The following ZBTB8B variants were observed in gnomAD, a reference collection of about 807,000 sequenced individuals.
ZBTB8B encodes zinc finger and BTB domain-containing protein 8B.
Under a neutral mutation model 30.3 loss-of-function variants are expected in ZBTB8B, and 17 were observed. The observed-to-expected ratio is 0.56, with a 90% CI of 0.38 to 0.84. The LOEUF is 0.84. ZBTB8B is among the 40% of genes least tolerant of loss of function. The pLI is 0.00. For missense variants in ZBTB8B, 515 were observed against 644.9 expected (o/e 0.80, Z 2.18); for synonymous variants, 248 against 255.6 (o/e 0.97, Z 0.28).
Position 32,485,361 on chromosome 1 carries a change from T to C in ZBTB8B, c.1431T>C (p.Asp477=). 5.2e-6 allele frequency: 8 copies of C among 1,552,224 alleles called. No homozygotes were observed. The highest frequency in any genetic ancestry group is 3.3e-4 in the Middle Eastern group (2 of 5,996). The part of the protein sequence containing the change: ...SGEENDPAGD[D]SDDKPQIQPN... ...AGGAAAATGACCCTGCTGGAGATGA[T>C]TCTGATGACAAACCACAAATTCAGC... The change falls in exon 4 of 4, where the codon GAT becomes GAC. Residue 477 remains aspartate, a synonymous_variant. Transcript: ENST00000609129.
Position 32,465,309 on chromosome 1 carries a change from T to C in ZBTB8B, c.-42+204T>C, listed in dbSNP as rs1363497384. On this transcript the variant is annotated intron_variant, in intron 1 of 3. Transcript: ENST00000609129. The surrounding 1 kb of genome is among the most constrained non-coding windows in gnomAD (Gnocchi z 4.1). ...GCGTGGGGAGGGGCAGGCGCGGCCG[T>C]GGGGCCCCAGCTTCCCTGTCATTGG... Among the ~76,000 whole-genome samples the C allele has an allele frequency of 2.0e-5, 3 of 152,204 alleles. No individual in the cohort carries two copies. Among genetic ancestry groups the C allele is most frequent in the Non-Finnish European group, 4.4e-5 (3 of 68,032 alleles).
At position 32,492,855 on chromosome 1, in the gene ZBTB8B, G is replaced by GTTGTC. The variant is rs1356747479; in HGVS notation, c.*7437_*7438insTTGTC. On this transcript the variant is annotated 3_prime_UTR_variant, in exon 4 of 4. Coordinates refer to ENST00000609129, the MANE Select transcript of ZBTB8B (RefSeq NM_001145720.2). The stretch of plus-strand genomic sequence containing the variant: ...ACACGGCATGTTGGGTGTGACAACA[G>GTTGTC]GGACAAGCACAGGGTACTCTGAGAA... 6.6e-6 allele frequency: 1 copy of GTTGTC among 152,170 alleles called. No homozygotes were observed. Among genetic ancestry groups the GTTGTC allele is most frequent in the African/African-American group, 2.4e-5 (1 of 41,424 alleles). The allele number at this position is 152,170 out of a possible 1,614,324, so 9.4% of individuals were successfully genotyped here.
At chr1:32,475,761 A>G (rs1279691356) in intron 2 of ZBTB8B, among the ~76,000 whole-genome samples, 1 of 151,250 alleles carries the variant, frequency 6.6e-6, no homozygotes, top group Non-Finnish European at 1.5e-5. Flanking sequence ...AAGAGGGGAC[A>G]GGGAAAAATT....
At position 32,470,760 on chromosome 1, in the gene ZBTB8B, A is replaced by G; in HGVS notation, c.136A>G (p.Ser46Gly). 6.4e-7 allele frequency: 1 copy of G among 1,551,838 alleles called. No homozygotes were observed. The highest frequency in any genetic ancestry group is 1.2e-5 in the South Asian group (1 of 84,068). ...CCACAGGAACATTTTGTTTGCTAAC[A>G]GCGGCTACTTCCGAGCCCTGCTCAT... ...KAHRNILFAN[S>G]GYFRALLIHY... The change falls in exon 2 of 4, where the codon AGC becomes GGC. Residue 46 changes from serine (S) to glycine (G), a missense_variant. Coordinates refer to ENST00000609129, the MANE Select transcript of ZBTB8B (RefSeq NM_001145720.2).
intron 3 of ZBTB8B, among the ~76,000 whole-genome samples, chr1:32,483,220 GA>G (rs1643719416): frequency 9.1e-6 from 1 of 109,458 alleles, no homozygotes; most frequent in South Asian, 3.3e-4. Flanking sequence ...CCAGTGTGGC[GA>G]AACCCCTTAT....
rs575923880 is a variant in ZBTB8B at position 32,469,037 on chromosome 1, T to A, written c.-41-1547T>A. On this transcript the variant is annotated intron_variant, in intron 1 of 3. Transcript: ENST00000609129. ...AGACTGCCATCTCTACAAAAAAAAA[T>A]TTTTTTTTAATTGGCCAGGCGCAGT... 4.8e-4 allele frequency among the ~76,000 whole-genome samples: 72 copies of A among 150,606 alleles called. 1 individual carries two copies. In the South Asian group the frequency reaches 6.8e-3, roughly 14 times the overall value.
At chr1:32,476,927 T>C (rs1435725601) in intron 2 of ZBTB8B, among the ~76,000 whole-genome samples, 1 of 152,184 alleles carries the variant, frequency 6.6e-6, no homozygotes, top group Non-Finnish European at 1.5e-5. Flanking sequence ...GCCTGACACA[T>C]AGTGAGTGCT....
chr1:32,470,266 C>T (rs1481329356), intron 1 of ZBTB8B, among the ~76,000 whole-genome samples: 1 of 150,658 alleles, frequency 6.6e-6, no homozygotes, highest in Non-Finnish European at 1.5e-5. Flanking sequence ...TTTGGGAGGC[C>T]GAGGCGGGCG....
In ZBTB8B at chr1:32,494,183, C is replaced by CAAAAAAAAAAAAAAAAAAA. The variant is rs917865954; in HGVS notation, c.*8771_*8789dup. On this transcript the variant is annotated 3_prime_UTR_variant, in exon 4 of 4. Transcript: ENST00000609129. Reference sequence around the variant, plus strand: ...GGGCAACGAGAGCAAAACTCCATCTCAAAAAAAAAAAAAAAAAAAAAAAAG... The same window carrying CAAAAAAAAAAAAAAAAAAA: ...GGGCAACGAGAGCAAAACTCCATCTCAAAAAAAAAAAAAAAAAAAAAAAAAAAAAAAAAAAAAAAAAAAG... 8.3e-5 allele frequency: 4 copies of CAAAAAAAAAAAAAAAAAAA among 48,006 alleles called. No individual in the cohort carries two copies. Among genetic ancestry groups the CAAAAAAAAAAAAAAAAAAA allele is most frequent in the Non-Finnish European group, 1.2e-4 (3 of 25,502 alleles). The allele number at this position is 48,006 out of a possible 1,614,324, so 3.0% of individuals were successfully genotyped here. A position where few individuals can be genotyped will look rare whatever the true frequency, so the allele number is the denominator to read the frequency against.
chr1:32,466,397 G>A (rs1197744626), intron 1 of ZBTB8B, among the ~76,000 whole-genome samples: 6 of 152,112 alleles, frequency 3.9e-5, no homozygotes, highest in Admixed American at 2.6e-4. Context: ...GCCGGTAACC[G>A]TTGAATTGAG....
chr1:32,469,384 T>TA (rs1643598872), intron 1 of ZBTB8B, among the ~76,000 whole-genome samples: 1 of 151,550 alleles, frequency 6.6e-6, no homozygotes, highest in Non-Finnish European at 1.5e-5. Flanking sequence ...TAGCTGGGAC[T>TA]CAGGTACCCG....
At chr1:32,474,675 T>G (rs35476355) in intron 2 of ZBTB8B, among the ~76,000 whole-genome samples, 1 of 152,254 alleles carries the variant, frequency 6.6e-6, no homozygotes, top group Non-Finnish European at 1.5e-5. Context: ...CTCATTGCTG[T>G]GTGTATAATG....
rs1643818322 is a variant in ZBTB8B, at chr1:32,496,505, T to TA, written c.*11088dup. The TA allele has an allele frequency of 6.6e-6, 1 of 152,250 alleles. No homozygotes were observed. Among genetic ancestry groups the TA allele is most frequent in the South Asian group, 2.1e-4 (1 of 4,834 alleles). 9.4% of individuals were successfully genotyped at this position (152,250 alleles called of 1,614,324 possible). The stretch of plus-strand genomic sequence containing the variant: ...TGACCATTAAAAAAATAGCAACTGA[T>TA]ACCTTGTTTAACAAGTAAGACAGTT... On this transcript the variant is annotated 3_prime_UTR_variant, in exon 4 of 4. Transcript: ENST00000609129.
In ZBTB8B at chr1:32,473,305, C is replaced by CA. The variant is rs1202557658; in HGVS notation, c.991+1701dup. ...TGGGTGACAGAGCGAGACTACTTCTCAAAAAAAAAAAGAAAGAAAGAAAGA... is the reference window on the plus strand; with the variant it reads ...TGGGTGACAGAGCGAGACTACTTCTCAAAAAAAAAAAAGAAAGAAAGAAAGA... On this transcript the variant is annotated intron_variant, in intron 2 of 3. Transcript: ENST00000609129. 4.1e-3 allele frequency among the ~76,000 whole-genome samples: 493 copies of CA among 119,572 alleles called. 2 individuals carry two copies. Among genetic ancestry groups the CA allele is most frequent in the African/African-American group, 0.011 (347 of 31,944 alleles). The allele number at this position is 119,572 out of a possible 152,430, so 78.4% of individuals were successfully genotyped here.
chr1:32,477,950 G>C (rs1408587822), intron 2 of ZBTB8B, among the ~76,000 whole-genome samples: 1 of 151,502 alleles, frequency 6.6e-6, no homozygotes, highest in Non-Finnish European at 1.5e-5. Context: ...CCAGCTACTT[G>C]GGAGGCTGAG....
rs544390991 is a variant in ZBTB8B at position 32,465,736 on chromosome 1, G to A, written c.-42+631G>A. Among the ~76,000 whole-genome samples, 2 of 152,310 alleles carry A rather than the reference G, an allele frequency of 1.3e-5. No homozygotes were observed. The highest frequency in any genetic ancestry group is 6.5e-5 in the Admixed American group (1 of 15,304). On this transcript the variant is annotated intron_variant, in intron 1 of 3. Coordinates refer to ENST00000609129, the MANE Select transcript of ZBTB8B (RefSeq NM_001145720.2). The surrounding 1 kb of genome is among the most constrained non-coding windows in gnomAD (Gnocchi z 4.1). ...TTTGAGGAGGCCGGTTAGCATAGTG[G>A]TTAAGGATGTCAACCCGGGAGTCAG... is the stretch of plus-strand genomic sequence containing the variant.
In ZBTB8B at chr1:32,492,794, T is replaced by G. The variant is rs10914565; in HGVS notation, c.*7376T>G. On this transcript the variant is annotated 3_prime_UTR_variant, in exon 4 of 4. Transcript: ENST00000609129. Reference sequence around the variant, plus strand: ...CCAGCACCATCCCTGCCCTCAAGGATCCTGCAGTGTGTAATCACAGAGACT... The same window carrying G: ...CCAGCACCATCCCTGCCCTCAAGGAGCCTGCAGTGTGTAATCACAGAGACT... 10,582 of 152,266 alleles carry G rather than the reference T, an allele frequency of 0.069. 419 individuals are homozygous for G. Among genetic ancestry groups the G allele is most frequent in the African/African-American group, 0.12 (5,154 of 41,534 alleles). The allele number at this position is 152,266 out of a possible 1,614,324, so 9.4% of individuals were successfully genotyped here.
chr1:32,484,962 A>G lies in ZBTB8B; in HGVS notation c.1171-139A>G. 5.4e-6 allele frequency: 4 copies of G among 744,178 alleles called. No individual in the cohort carries two copies. The South Asian group carries it at 7.4e-5, about 14-fold the overall frequency. 46.1% of individuals were successfully genotyped at this position (744,178 alleles called of 1,614,324 possible). On this transcript the variant is annotated intron_variant, in intron 3 of 3. Transcript: ENST00000609129. This position sits in a 1 kb window ranked among gnomAD's most constrained non-coding sequence, Gnocchi z 4.5. The stretch of plus-strand genomic sequence containing the variant: ...TAGCAGTGCAAGAACAGACTAATAC[A>G]AAGACTGTGGCAGAGAATGCAGGTG...
rs1643805643 is a variant in ZBTB8B, at chr1:32,494,840, C to T, written c.*9422C>T. The T allele has an allele frequency of 1.3e-5, 2 of 152,030 alleles. No homozygotes were observed. The highest frequency in any genetic ancestry group is 4.1e-4 in the South Asian group (2 of 4,824). The allele number at this position is 152,030 out of a possible 1,614,324, so 9.4% of individuals were successfully genotyped here. ...TTGAGACAGAGTTCCACTCTGTCAC[C>T]CAGGCTGGAGTGCAGTGGTGCAATC... On this transcript the variant is annotated 3_prime_UTR_variant, in exon 4 of 4. Transcript: ENST00000609129.
Sources: allele counts gnomAD v4.1 joint callset (sites outside exome capture counted in the v4.1 genomes callset), GRCh38; gene constraint gnomAD v4.1.1; non-coding constraint Gnocchi (gnomAD v3.1); transcripts MANE v1.5; gene names NCBI Gene and HGNC (gene_info 2026-07-23, HGNC 2026-07-21).